ZNF407: variants seen among roughly 807,000 people sequenced by gnomAD.
The protein encoded by ZNF407 is zinc finger protein 407.
ZNF407 carries 17 observed loss-of-function variants against 131.2 expected under a neutral mutation model. That is an observed-to-expected ratio of 0.13 (90% CI 0.09 to 0.19). The LOEUF (loss-of-function observed/expected upper bound fraction) is 0.19, where lower values mean the gene tolerates loss of function less well. ZNF407 is among the 10% of genes least tolerant of loss of function. The pLI is 1.00. For missense variants in ZNF407, 2,681 were observed against 2,830.6 expected (o/e 0.95, Z 1.20); for synonymous variants, 1,156 against 1,062.0 (o/e 1.09, Z -1.72).
chr18:75,003,382 G>A (rs1014447528), intron 8 of ZNF407, among the ~76,000 whole-genome samples: 1 of 152,142 alleles, frequency 6.6e-6, no homozygotes, highest in African/African-American at 2.4e-5. Flanking sequence ...ATTAATGGAT[G>A]GGAATCGTGT....
chr18:74,890,669 C>T (rs1599223986), intron 7 of ZNF407, among the ~76,000 whole-genome samples: 1 of 152,032 alleles, frequency 6.6e-6, no homozygotes, highest in South Asian at 2.1e-4. Context: ...GAAGATGATA[C>T]AAGAAAGGTT....
At chr18:74,854,286 A>G (rs1002435139) in intron 4 of ZNF407, among the ~76,000 whole-genome samples, 19 of 152,164 alleles carry the variant, frequency 1.2e-4, no homozygotes, top group African/African-American at 4.1e-4. Flanking sequence ...GTGTTAGATA[A>G]TTTGTAAGAT....
chr18:74,814,255 T>C (rs1407515477), intron 4 of ZNF407, among the ~76,000 whole-genome samples: 1 of 152,098 alleles, frequency 6.6e-6, no homozygotes, highest in African/African-American at 2.4e-5. Flanking sequence ...CTTCTCAGCC[T>C]CCCAAGTAGC....
intron 4 of ZNF407, among the ~76,000 whole-genome samples, chr18:74,873,967 T>C (rs572655044): frequency 6.6e-6 from 1 of 152,330 alleles, no homozygotes; most frequent in East Asian, 1.9e-4. Flanking sequence ...GTGACTTTGT[T>C]TCCTTTTGAA....
In ZNF407 at chr18:74,632,325, T is replaced by C. The variant is rs1238104948; in HGVS notation, c.1306T>C (p.Leu436=). The change falls in exon 2 of 9, where the codon TTG becomes CTG. Residue 436 remains leucine (L), a synonymous_variant. Coordinates refer to ENST00000299687, the MANE Select transcript of ZNF407 (RefSeq NM_017757.3). ...SFRRRSSTFT[L]KGQAKKRFNL... Reference sequence around the variant, plus strand: ...TCGTCGACGAAGCAGCACTTTCACCTTGAAGGGCCAGGCAAAGAAAAGGTT... The same window carrying C: ...TCGTCGACGAAGCAGCACTTTCACCCTGAAGGGCCAGGCAAAGAAAAGGTT... 1 of 1,613,962 alleles carries C rather than the reference T, an allele frequency of 6.2e-7. No homozygotes were observed. The highest frequency in any genetic ancestry group is 1.1e-5 in the South Asian group (1 of 91,082).
At chr18:74,721,765 A>C (rs1209079910) in intron 3 of ZNF407, among the ~76,000 whole-genome samples, 1 of 151,830 alleles carries the variant, frequency 6.6e-6, no homozygotes, top group Non-Finnish European at 1.5e-5. Context: ...TGTACTCTTT[A>C]CCTTATGTGT....
Position 74,911,038 on chromosome 18 carries a change from C to T in ZNF407, c.5250-9476C>T, listed in dbSNP as rs561233340. Among the ~76,000 whole-genome samples, 16 of 152,320 alleles carry T rather than the reference C, an allele frequency of 1.1e-4. 1 individual carries two copies. The South Asian group carries it at 3.3e-3, about 32-fold the overall frequency. On this transcript the variant is annotated intron_variant, in intron 7 of 8. Coordinates refer to ENST00000299687, the MANE Select transcript of ZNF407 (RefSeq NM_017757.3). ...CATGTATGTATAATTACTTTACACA[C>T]ACATCTATATATAAGTGACTTTCGT...
intron 3 of ZNF407, among the ~76,000 whole-genome samples, chr18:74,644,177 C>CT (rs34393480): frequency 0.021 from 2,443 of 118,832 alleles, 46 homozygotes; most frequent in African/African-American, 0.05. Context: ...TTGGGGGAAT[C>CT]TTTTTTTTTT....
At chr18:74,810,368 T>A (rs67006946) in intron 4 of ZNF407, among the ~76,000 whole-genome samples, 116 of 140,636 alleles carry the variant, frequency 8.2e-4, no homozygotes, top group Non-Finnish European at 1.4e-3. Flanking sequence ...TTTTTTTTTT[T>A]AAATCAGTAA....
At chr18:75,008,005 C>T (rs1166763479) in intron 8 of ZNF407, among the ~76,000 whole-genome samples, 1 of 152,148 alleles carries the variant, frequency 6.6e-6, no homozygotes, top group African/African-American at 2.4e-5. Context: ...AATGCACAGG[C>T]TCAAGGGGAA....
intron 3 of ZNF407, among the ~76,000 whole-genome samples, chr18:74,762,901 T>C (rs879858138): frequency 2.0e-5 from 3 of 152,162 alleles, no homozygotes; most frequent in Non-Finnish European, 4.4e-5. Context: ...GCTGTTATGA[T>C]GAACATTTGT....
rs1468925832 is a variant in ZNF407, at chr18:74,928,289, C to G, written c.5428+7597C>G. 2.0e-5 allele frequency among the ~76,000 whole-genome samples: 3 copies of G among 152,146 alleles called. No individual in the cohort carries two copies. The East Asian group carries it at 5.8e-4, about 29-fold the overall frequency. On this transcript the variant is annotated intron_variant, in intron 8 of 8. Coordinates refer to ENST00000299687, the MANE Select transcript of ZNF407 (RefSeq NM_017757.3). ...CTGATTGGCAATTGGTTAAGTTAAC[C>G]TTTGCCTGAAGACTTGAAGCCAGCA...
chr18:74,985,101 T>A (rs759437593), intron 8 of ZNF407, among the ~76,000 whole-genome samples: 1 of 152,212 alleles, frequency 6.6e-6, no homozygotes, highest in African/African-American at 2.4e-5. Flanking sequence ...CAGTTCTGAT[T>A]AGTGCATCCT....
Position 74,634,002 on chromosome 18 carries a change from G to A in ZNF407, c.2983G>A (p.Glu995Lys), listed in dbSNP as rs758091137. Reference protein sequence around the residue: ...LLDKKEQISSEPEDFAQPGDV... With the variant: ...LLDKKEQISSKPEDFAQPGDV... ...TGATAAAAAGGAGCAAATATCTTCA[G>A]AGCCAGAGGACTTCGCCCAGCCGGG... The change falls in exon 2 of 9, where the codon GAG (glutamate) becomes AAG (lysine). Residue 995 changes from glutamate (E) to lysine (K), a missense_variant. Glu to Lys is a moderately conservative substitution (Grantham distance 56, BLOSUM62 1). Coordinates refer to ENST00000299687, the MANE Select transcript of ZNF407 (RefSeq NM_017757.3). The A allele has an allele frequency of 5.6e-6, 9 of 1,614,042 alleles. No homozygotes were observed. The South Asian group carries it at 9.9e-5, about 18-fold the overall frequency.
At position 74,671,097 on chromosome 18, in the gene ZNF407, G is replaced by C. The variant is rs184192472; in HGVS notation, c.4802+29975G>C. ...ACTCTGTACCCGATAAGCCCTGAGT[G>C]CCCGTCCCCACCTCCCCACAGACAC... is the stretch of plus-strand genomic sequence containing the variant. On this transcript the variant is annotated intron_variant, in intron 3 of 8. Coordinates refer to ENST00000299687, the MANE Select transcript of ZNF407 (RefSeq NM_017757.3). Among the ~76,000 whole-genome samples, 24 of 152,258 alleles carry C rather than the reference G, an allele frequency of 1.6e-4. No individual in the cohort carries two copies. The East Asian group carries it at 4.6e-3, about 29-fold the overall frequency.
At chr18:75,028,373 A>G (rs556411327) in intron 8 of ZNF407, among the ~76,000 whole-genome samples, 1 of 151,866 alleles carries the variant, frequency 6.6e-6, no homozygotes, top group African/African-American at 2.4e-5. Context: ...CTTGTGTCCT[A>G]TGTGTTGATC....
At chr18:74,848,441 G>C (rs1457049453) in intron 4 of ZNF407, among the ~76,000 whole-genome samples, 1 of 152,152 alleles carries the variant, frequency 6.6e-6, no homozygotes, top group Non-Finnish European at 1.5e-5. Flanking sequence ...TGTGACGGAT[G>C]CTTTATGTCT....
At chr18:74,722,422 C>T (rs773761735) in intron 3 of ZNF407, among the ~76,000 whole-genome samples, 1 of 152,182 alleles carries the variant, frequency 6.6e-6, no homozygotes, top group Non-Finnish European at 1.5e-5. Flanking sequence ...GCTAGCCTGT[C>T]AGTTGCTCAA....
chr18:74,788,381 G>A (rs192665625), intron 4 of ZNF407, among the ~76,000 whole-genome samples: 16 of 152,214 alleles, frequency 1.1e-4, no homozygotes, highest in Admixed American at 7.2e-4. Context: ...AATTGTGCTT[G>A]CTCTGTTGTA....
Sources: allele counts gnomAD v4.1 joint callset (sites outside exome capture counted in the v4.1 genomes callset), GRCh38; gene constraint gnomAD v4.1.1; transcripts MANE v1.5; gene names NCBI Gene and HGNC (gene_info 2026-07-23, HGNC 2026-07-21).